The following FN3K variants were observed in gnomAD, a reference collection of about 807,000 sequenced individuals.
FN3K encodes the protein fructosamine-3-kinase.
Under a neutral mutation model 24.8 loss-of-function variants are expected in FN3K, and 24 were observed. That is an observed-to-expected ratio of 0.97 (90% CI 0.70 to 1.36). FN3K has a LOEUF of 1.36. FN3K is among the 40% of genes most tolerant of loss of function. FN3K has a pLI of 0.00. For synonymous variants in FN3K, 192 were observed against 175.2 expected (o/e 1.10, Z -0.76); for missense variants, 449 against 416.7 (o/e 1.08, Z -0.67).
chr17:82,735,658 G>A lies in FN3K; in HGVS notation c.22G>A (p.Glu8Lys), dbSNP rs756005105. The change falls in exon 1 of 6, where the codon GAG (glutamate) becomes AAG (lysine). Residue 8 changes from glutamate (E) to lysine (K), a missense_variant. Transcript: ENST00000300784. The part of the protein sequence containing the change: MEQLLRA[E>K]LRTATLRAFG... ...CTCCATGGAGCAGCTGCTGCGCGCC[G>A]AGCTGCGCACCGCGACCCTGCGGGC... The A allele has an allele frequency of 7.1e-6, 11 of 1,538,858 alleles. No homozygotes were observed. The African/African-American group carries it at 1.1e-4, about 16-fold the overall frequency.
intron 2 of FN3K, among the ~76,000 whole-genome samples, chr17:82,739,718 A>C (rs1289433154): frequency 6.6e-6 from 1 of 151,874 alleles, no homozygotes; most frequent in Admixed American, 6.6e-5. Context: ...TGACCTCCCA[A>C]AGTGCTGGGA....
Position 82,750,950 on chromosome 17 carries a change from C to CCCCGT in FN3K, c.*198_*199insGTCCC, listed in dbSNP as rs1555669002. ...CGTCCCTCCATCCCTGTCCCCCGTC[C>CCCCGT]CCCTGTCCCCCTGTCCACATACCAA... On this transcript the variant is annotated 3_prime_UTR_variant, in exon 6 of 6. Coordinates refer to ENST00000300784, the MANE Select transcript of FN3K (RefSeq NM_022158.4). 28 of 253,456 alleles carry CCCCGT rather than the reference C, an allele frequency of 1.1e-4. No individual in the cohort carries two copies. Among genetic ancestry groups the CCCCGT allele is most frequent in the Middle Eastern group, 1.1e-3 (1 of 890 alleles). The allele number at this position is 253,456 out of a possible 1,614,324, so 15.7% of individuals were successfully genotyped here. A position where few individuals can be genotyped will look rare whatever the true frequency, so the allele number is the denominator to read the frequency against.
intron 2 of FN3K, among the ~76,000 whole-genome samples, chr17:82,739,013 T>C (rs1015514847): frequency 2.0e-5 from 3 of 149,426 alleles, no homozygotes; most frequent in African/African-American, 7.4e-5. Context: ...AGTGGTGCAA[T>C]CTCGGCTCAC....
intron 2 of FN3K, among the ~76,000 whole-genome samples, chr17:82,739,362 C>T (rs2046927113): frequency 6.6e-6 from 1 of 152,062 alleles, no homozygotes; most frequent in African/African-American, 2.4e-5. Flanking sequence ...AATCTTGGCT[C>T]ACTGCAAACT....
At chr17:82,740,423 A>C in intron 2 of FN3K, among the ~76,000 whole-genome samples, 1 of 108,050 alleles carries the variant, frequency 9.3e-6, no homozygotes, top group Non-Finnish European at 2.2e-5. Context: ...ATCTCTACAA[A>C]AAAAAAAAAA....
Position 82,750,352 on chromosome 17 carries a change from A to C in FN3K, c.592-65A>C, listed in dbSNP as rs576271407. 596 of 1,435,372 alleles carry C rather than the reference A, an allele frequency of 4.2e-4. 11 individuals carry two copies. In the South Asian group the frequency reaches 6.7e-3, roughly 16 times the overall value. 88.9% of individuals were successfully genotyped at this position (1,435,372 alleles called of 1,614,324 possible). A position where few individuals can be genotyped will look rare whatever the true frequency, so the allele number is the denominator to read the frequency against. On this transcript the variant is annotated intron_variant, in intron 5 of 5. Transcript: ENST00000300784. The stretch of plus-strand genomic sequence containing the variant: ...CGCGAGTGGGCTTTGCCTTATTTCC[A>C]AGAACGAGGTGATGAGACCGGGGCT...
intron 2 of FN3K, 130 bp from the exon 3 acceptor site, chr17:82,740,633 G>A (rs1257577634): frequency 5.9e-6 from 4 of 679,668 alleles, no homozygotes; most frequent in Non-Finnish European, 1.1e-5. Flanking sequence ...ATTGCCTGGT[G>A]TTCACTTTTT....
intron 4 of FN3K, chr17:82,745,195 A>T (rs368056681): frequency 5.8e-6 from 1 of 172,256 alleles, no homozygotes; most frequent in African/African-American, 2.4e-5. Context: ...AGGTCCCTGC[A>T]GCCTTCCACA....
chr17:82,738,816 C>A (rs7208565), intron 2 of FN3K, among the ~76,000 whole-genome samples, 176 bp downstream of exon 2: 1 of 150,912 alleles, frequency 6.6e-6, no homozygotes, highest in East Asian at 1.9e-4. Context: ...CCAAGAGTTC[C>A]ACCCTGCCAT....
chr17:82,750,045 A>G (rs540261425), intron 5 of FN3K: 10 of 293,760 alleles, frequency 3.4e-5, no homozygotes, highest in Non-Finnish European at 6.6e-5. Flanking sequence ...GTGACAGAGC[A>G]AGATTCCCTC....
At chr17:82,743,831 G>A (rs530459499) in intron 4 of FN3K, among the ~76,000 whole-genome samples, 7 of 152,238 alleles carry the variant, frequency 4.6e-5, no homozygotes, top group Non-Finnish European at 1.0e-4. Flanking sequence ...CCCTGACCAT[G>A]ACGCAGCCCC....
chr17:82,749,313 G>A (rs1371414577), intron 5 of FN3K: 3 of 387,640 alleles, frequency 7.7e-6, no homozygotes, highest in African/African-American at 4.2e-5. Context: ...CCACTCCATC[G>A]TGTTCCTCTC....
At chr17:82,737,523 C>A (rs143767847) in intron 1 of FN3K, among the ~76,000 whole-genome samples, 1 of 152,126 alleles carries the variant, frequency 6.6e-6, no homozygotes, top group Non-Finnish European at 1.5e-5. Context: ...GAGGTTTCAC[C>A]GTGTTAGCCA....
At chr17:82,741,896 CTTTCT>C (rs980077712) in intron 4 of FN3K, among the ~76,000 whole-genome samples, 7 of 152,132 alleles carry the variant, frequency 4.6e-5, no homozygotes, top group African/African-American at 1.4e-4. Flanking sequence ...AGAACATTTT[CTTTCT>C]TTTCTTTTCT....
intron 1 of FN3K, chr17:82,738,150 G>GC (rs1300324119): frequency 7.4e-6 from 2 of 270,162 alleles, no homozygotes; most frequent in Non-Finnish European, 1.5e-5. Context: ...AAGGTGGGTA[G>GC]CCCGGGGGTC....
chr17:82,745,444 ACTT>A (rs2046963393), intron 4 of FN3K: 1 of 152,560 alleles, frequency 6.6e-6, no homozygotes, highest in African/African-American at 2.4e-5. Flanking sequence ...TCCTATGTCT[ACTT>A]CTTTCTACAC....
rs2047004951 is a variant in FN3K, at chr17:82,750,494, G to T, written c.669G>T (p.Val223=). The change falls in exon 6 of 6, where the codon GTG becomes GTT. Residue 223 remains valine (V), a synonymous_variant. Transcript: ENST00000300784. ...ACGGGGATCTCTGGTCGGGAAACGT[G>T]GCTGAGGACGACGTGGGGCCCATTA... is the stretch of plus-strand genomic sequence containing the variant. ...LLHGDLWSGN[V]AEDDVGPIIY... 6.2e-7 allele frequency: 1 copy of T among 1,614,084 alleles called. No homozygotes were observed. The highest frequency in any genetic ancestry group is 1.3e-5 in the African/African-American group (1 of 74,926).
intron 2 of FN3K, 52 bp from the exon 3 acceptor site, chr17:82,740,711 G>A (rs75537818): frequency 0.12 from 147,301 of 1,225,938 alleles, 10,880 homozygotes; most frequent in South Asian, 0.27. Context: ...CAAACTGGGT[G>A]GTGTTATTTA....
At position 82,741,357 on chromosome 17, in the gene FN3K, C is replaced by T; in HGVS notation, c.432C>T (p.Gly144=). ...AGCCTCAGTATGTGGACAAGTTCGG[C>T]TTCCACACGGTGACGTGCTGCGGCT... is the stretch of plus-strand genomic sequence containing the variant. ...GAEPQYVDKF[G]FHTVTCCGFI... Residue 144 remains glycine, a synonymous_variant, in exon 4 of 6, where the codon GGC becomes GGT. Transcript: ENST00000300784. 1.2e-6 allele frequency: 2 copies of T among 1,613,938 alleles called. No individual in the cohort carries two copies. Among genetic ancestry groups the T allele is most frequent in the Non-Finnish European group, 1.7e-6 (2 of 1,179,918 alleles).
Sources: allele counts gnomAD v4.1 joint callset (sites outside exome capture counted in the v4.1 genomes callset), GRCh38; gene constraint gnomAD v4.1.1; transcripts MANE v1.5; gene names NCBI Gene and HGNC (gene_info 2026-07-23, HGNC 2026-07-21).